Variants in SGMS1 observed in about 807,000 individuals in gnomAD.
SGMS1 encodes the protein sphingomyelin synthase 1.
Under a neutral mutation model 46.2 loss-of-function variants are expected in SGMS1, and 13 were observed. The observed-to-expected ratio is 0.28, with a 90% confidence interval of 0.18 to 0.45. The LOEUF (loss-of-function observed/expected upper bound fraction) is 0.45. Ranked by LOEUF, SGMS1 falls within the 20% of genes least tolerant of loss-of-function variation. The pLI is 1.00. For missense variants in SGMS1, 324 were observed against 519.9 expected (o/e 0.62, Z 3.66); for synonymous variants, 203 against 187.8 (o/e 1.08, Z -0.66).
intron 5 of SGMS1, among the ~76,000 whole-genome samples, chr10:50,446,136 T>C (rs61856828): frequency 0.17 from 26,447 of 151,958 alleles, 2,621 homozygotes; most frequent in Admixed American, 0.24. Context: ...CGAAACTTCA[T>C]TAGCAATTTT....
chr10:50,535,286 AC>A (rs1837990730), intron 2 of SGMS1, among the ~76,000 whole-genome samples: 1 of 152,094 alleles, frequency 6.6e-6, no homozygotes, highest in Non-Finnish European at 1.5e-5. Context: ...TTTTAATTGT[AC>A]CCTAGCTGTT....
At chr10:50,537,566 C>A (rs961750452) in intron 2 of SGMS1, among the ~76,000 whole-genome samples, 9 of 151,916 alleles carry the variant, frequency 5.9e-5, no homozygotes, top group Non-Finnish European at 1.0e-4. Flanking sequence ...ATTAACTCGT[C>A]ATTTACATTA....
intron 2 of SGMS1, among the ~76,000 whole-genome samples, chr10:50,526,190 G>A (rs2133796158): frequency 6.6e-6 from 1 of 152,128 alleles, no homozygotes; most frequent in East Asian, 1.9e-4. Context: ...AGCTTAACAG[G>A]AAGCATGACT....
At chr10:50,450,259 G>T (rs1454404699) in intron 5 of SGMS1, among the ~76,000 whole-genome samples, 1 of 152,230 alleles carries the variant, frequency 6.6e-6, no homozygotes. Flanking sequence ...CAAAGTGGAA[G>T]AGAGGAGTGA....
chr10:50,411,598 C>A (rs1849102196), intron 6 of SGMS1, among the ~76,000 whole-genome samples: 1 of 152,142 alleles, frequency 6.6e-6, no homozygotes, highest in Non-Finnish European at 1.5e-5. Context: ...ACAGAATGCA[C>A]CTAAAGTGGA....
chr10:50,473,813 C>G, intron 3 of SGMS1: 1 of 152,206 alleles, frequency 6.6e-6, no homozygotes, highest in Non-Finnish European at 1.5e-5. Flanking sequence ...TGACACAACT[C>G]CACAAGCACA....
At chr10:50,607,579 C>A (rs1048041713) in intron 1 of SGMS1, among the ~76,000 whole-genome samples, 2 of 152,164 alleles carry the variant, frequency 1.3e-5, no homozygotes, top group African/African-American at 4.8e-5. Flanking sequence ...TACAGCCACA[C>A]TTTTAGAGCC....
intron 6 of SGMS1, among the ~76,000 whole-genome samples, chr10:50,382,592 C>CACACACACA (rs1360299354): frequency 6.7e-6 from 1 of 149,256 alleles, no homozygotes; most frequent in African/African-American, 2.5e-5. Flanking sequence ...CACACACACA[C>CACACACACA]AACTTCCCCA....
At chr10:50,316,933 C>T (rs1162929601) in intron 8 of SGMS1, among the ~76,000 whole-genome samples, 1 of 152,190 alleles carries the variant, frequency 6.6e-6, no homozygotes. Flanking sequence ...CATGTAACAG[C>T]CCTCCTAACC....
At chr10:50,368,614 C>T (rs151238920) in intron 6 of SGMS1, among the ~76,000 whole-genome samples, 233 of 152,310 alleles carry the variant, frequency 1.5e-3, no homozygotes, top group African/African-American at 5.0e-3. Context: ...CCTTGGCCTC[C>T]CAAAGTGTTG....
chr10:50,500,598 T>A (rs1837654109), intron 3 of SGMS1, among the ~76,000 whole-genome samples: 1 of 152,210 alleles, frequency 6.6e-6, no homozygotes. Context: ...CTGATTTGGG[T>A]TCCATTAATA....
chr10:50,510,785 T>C (rs1837746835), intron 3 of SGMS1, among the ~76,000 whole-genome samples: 2 of 152,178 alleles, frequency 1.3e-5, no homozygotes, highest in South Asian at 4.1e-4. Flanking sequence ...ATTAATAAAC[T>C]ACAGCCCACG....
intron 6 of SGMS1, among the ~76,000 whole-genome samples, chr10:50,387,661 C>T (rs181434024): frequency 1.6e-4 from 24 of 152,216 alleles, no homozygotes; most frequent in Non-Finnish European, 2.6e-4. Context: ...AAAAGCAAGG[C>T]GGCAGATTCA....
chr10:50,516,359 A>G (rs1342597495), intron 3 of SGMS1, among the ~76,000 whole-genome samples: 1 of 152,186 alleles, frequency 6.6e-6, no homozygotes, highest in African/African-American at 2.4e-5. Context: ...GCAAACATCA[A>G]TTTTCTGCAT....
chr10:50,472,102 A>G (rs1837383763), intron 3 of SGMS1, among the ~76,000 whole-genome samples: 1 of 152,144 alleles, frequency 6.6e-6, no homozygotes, highest in African/African-American at 2.4e-5. Flanking sequence ...TATTTGACAG[A>G]TAATTGTATA....
At chr10:50,362,735 A>G (rs1848269772) in intron 6 of SGMS1, among the ~76,000 whole-genome samples, 1 of 152,228 alleles carries the variant, frequency 6.6e-6, no homozygotes, top group African/African-American at 2.4e-5. Flanking sequence ...GAATTTGATC[A>G]TATAAAACAG....
At chr10:50,621,517 T>C (rs1418507386) in intron 1 of SGMS1, among the ~76,000 whole-genome samples, 1 of 150,382 alleles carries the variant, frequency 6.6e-6, no homozygotes, top group Non-Finnish European at 1.5e-5. Context: ...TAAACTCTTC[T>C]GTTATGAAGA....
At chr10:50,624,638 AC>A, upstream of SGMS1, 1 of 985,314 alleles carries the variant, frequency 1.0e-6, no homozygotes, top group East Asian at 1.1e-4. Context: ...TGCGGCGAAA[AC>A]CCGGAGAGCG....
intron 1 of SGMS1, among the ~76,000 whole-genome samples, chr10:50,596,175 ATTT>A (rs71457582): frequency 0.01 from 1,412 of 139,688 alleles, 8 homozygotes; most frequent in Non-Finnish European, 0.016. Flanking sequence ...TTGTATCACG[ATTT>A]TTTTTTTTTT....
Sources: gnomAD v4.1 joint callset for allele counts (sites outside exome capture counted in the v4.1 genomes callset) on GRCh38, gnomAD v4.1.1 for gene constraint, MANE v1.5 for transcripts, NCBI Gene and HGNC (gene_info 2026-07-23, HGNC 2026-07-21) for gene names.